Variants in FBN3 observed in about 807,000 individuals in gnomAD.
FBN3 encodes the protein fibrillin 3.
FBN3 carries 234 observed loss-of-function variants against 330.1 expected under a neutral mutation model. The ratio of observed to expected loss-of-function variants is 0.71; its 90% confidence interval spans 0.64 to 0.79. The LOEUF (loss-of-function observed/expected upper bound fraction) is 0.79, where lower values mean the gene tolerates loss of function less well. FBN3 is among the 30% of genes least tolerant of loss of function. The probability of loss-of-function intolerance (pLI) is 0.00; values close to 1 mark genes in which losing one functional copy is unlikely to be tolerated. For synonymous variants in FBN3, 1,458 were observed against 1,517.3 expected, an observed-to-expected ratio of 0.96 and a Z score of 0.91; for missense variants, 3,606 against 3,886.9, an observed-to-expected ratio of 0.93 and a Z score of 1.92.
intron 57 of FBN3, among the ~76,000 whole-genome samples, chr19:8,082,139 T>C (rs75688628): frequency 1.2e-4 from 14 of 120,256 alleles, no homozygotes; most frequent in Admixed American, 9.6e-4. Context: ...TTTTTCTTTT[T>C]TTCTTTTTTT....
rs2082709625 is a variant in FBN3, at chr19:8,116,594, G to A, written c.3712+80C>T. On this transcript the variant is annotated intron_variant, in intron 29 of 63. Transcript: ENST00000600128. ...GGCCTGGCATTTTTCATGCCTATGT[G>A]CCACCTTGTGGAAGACCTGGTGTGT... 25 of 1,465,118 alleles carry A rather than the reference G, an allele frequency of 1.7e-5. No individual in the cohort carries two copies. The South Asian group carries it at 2.0e-4, about 11-fold the overall frequency. 90.8% of individuals were successfully genotyped at this position (1,465,118 alleles called of 1,614,324 possible). A position where few individuals can be genotyped will look rare whatever the true frequency, so the allele number is the denominator to read the frequency against.
At chr19:8,088,472 G>A (rs1308172670) in intron 51 of FBN3, among the ~76,000 whole-genome samples, 1 of 152,050 alleles carries the variant, frequency 6.6e-6, no homozygotes, top group Non-Finnish European at 1.5e-5. Flanking sequence ...TGAAACTGAG[G>A]CAGGAGGGTC....
intron 26 of FBN3, 48 bp from the exon 27 acceptor site, chr19:8,117,637 CTG>C: frequency 1.3e-6 from 2 of 1,491,452 alleles, no homozygotes; most frequent in Non-Finnish European, 1.8e-6. Context: ...CATCTGCCGT[CTG>C]TGTGACCATG....
chr19:8,087,024 C>T, intron 54 of FBN3, 53 bp downstream of exon 54: 1 of 1,578,386 alleles, frequency 6.3e-7, no homozygotes, highest in South Asian at 1.1e-5. Context: ...TTGCTTTGAC[C>T]TCTCCCTTCC....
In FBN3 at chr19:8,101,281, C is replaced by T. The variant is rs79565210; in HGVS notation, c.5090-309G>A. On this transcript the variant is annotated intron_variant, in intron 40 of 63. Transcript: ENST00000600128. ...CTGGGATTACAGGCGTGAGCCACGA[C>T]GTCTGGTTTTTAAAGCCACCTAGTT... 3.4e-3 allele frequency among the ~76,000 whole-genome samples: 525 copies of T among 152,224 alleles called. 4 individuals are homozygous for T. The highest frequency in any genetic ancestry group is 0.012 in the African/African-American group (510 of 41,530).
rs185142949 is a variant in FBN3, at chr19:8,134,285, C to T, written c.1592-1179G>A. 1.4e-3 allele frequency among the ~76,000 whole-genome samples: 207 copies of T among 151,636 alleles called. 1 individual carries two copies. The highest frequency in any genetic ancestry group is 4.7e-3 in the African/African-American group (194 of 41,376). ...AAATAAATAAATGCATGAAATGCCA[C>T]CACAAAAATATGCACATGAGCATTC... On this transcript the variant is annotated intron_variant, in intron 13 of 63. Coordinates refer to ENST00000600128, the MANE Select transcript of FBN3 (RefSeq NM_032447.5).
chr19:8,122,909 C>T (rs756357684), intron 24 of FBN3, among the ~76,000 whole-genome samples: 10 of 146,234 alleles, frequency 6.8e-5, no homozygotes, highest in Non-Finnish European at 1.2e-4. Context: ...GTGATCCGCC[C>T]GCCTCAGCCT....
At position 8,147,366 on chromosome 19, in the gene FBN3, C is replaced by T. The variant is rs2145076815; in HGVS notation, c.115G>A (p.Ala39Thr). The change falls in exon 2 of 64, where the codon GCT becomes ACT. Residue 39 changes from alanine to threonine, a missense_variant. Physicochemically the swap from Ala to Thr is moderately conservative, Grantham distance 58. Transcript: ENST00000600128. ...CTCCGCACACGTCCAGGACCTGCAGCCTCCAAGGCCCCGTCCCAGCGGCCT... is the reference window on the plus strand; with the variant it reads ...CTCCGCACACGTCCAGGACCTGCAGTCTCCAAGGCCCCGTCCCAGCGGCCT... ...GQGRWDGALE[A>T]AGPGRVRRRG... 6.2e-7 allele frequency: 1 copy of T among 1,601,704 alleles called. No homozygotes were observed. Among genetic ancestry groups the T allele is most frequent in the Non-Finnish European group, 8.5e-7 (1 of 1,176,000 alleles).
chr19:8,082,325 TTC>T (rs1371189225), intron 57 of FBN3, among the ~76,000 whole-genome samples: 1 of 149,938 alleles, frequency 6.7e-6, no homozygotes, highest in Non-Finnish European at 1.5e-5. Flanking sequence ...CTTTCTTTCT[TTC>T]TGTTTCTTTC....
chr19:8,070,280 T>C (rs1412047825), intron 63 of FBN3, among the ~76,000 whole-genome samples: 2 of 152,290 alleles, frequency 1.3e-5, no homozygotes, highest in African/African-American at 4.8e-5. Flanking sequence ...ATAGCACTTA[T>C]CATGTATCAT....
intron 55 of FBN3, 142 bp from the exon 56 acceptor site, chr19:8,085,711 T>G (rs562524489): frequency 2.7e-4 from 166 of 615,308 alleles, no homozygotes; most frequent in Non-Finnish European, 4.3e-4. Flanking sequence ...ACAGGACAGA[T>G]GGCCCTAGTG....
rs1418420855 is a variant in FBN3 at position 8,131,491 on chromosome 19, G to T, written c.1990+63C>A. ...TGGCAGCCATGACCCCCCACCAGAA[G>T]CGAGAACCGATGGAGGCATTCAGAC... On this transcript the variant is annotated intron_variant, in intron 15 of 63. Transcript: ENST00000600128. The surrounding 1 kb of genome is among the most constrained non-coding windows in gnomAD (Gnocchi z 4.5). 6 of 1,548,894 alleles carry T rather than the reference G, an allele frequency of 3.9e-6. No individual in the cohort carries two copies. Among genetic ancestry groups the T allele is most frequent in the Non-Finnish European group, 5.3e-6 (6 of 1,141,934 alleles).
chr19:8,126,448 G>A lies in FBN3; in HGVS notation c.2554+20C>T, dbSNP rs773271074. On this transcript the variant is annotated intron_variant, in intron 20 of 63. Coordinates refer to ENST00000600128, the MANE Select transcript of FBN3 (RefSeq NM_032447.5). ...GGGCTTTTCCCATGGGTGCCTGGGAGGCCTCAAGGAGGATACTACCGATCT... is the reference window on the plus strand; with the variant it reads ...GGGCTTTTCCCATGGGTGCCTGGGAAGCCTCAAGGAGGATACTACCGATCT... 8.1e-6 allele frequency: 13 copies of A among 1,606,748 alleles called. No homozygotes were observed. Among genetic ancestry groups the A allele is most frequent in the South Asian group, 5.5e-5 (5 of 90,266 alleles).
intron 22 of FBN3, 100 bp downstream of exon 22, chr19:8,125,790 CAA>C (rs368396188): frequency 0.052 from 54,438 of 1,054,386 alleles, no homozygotes; most frequent in South Asian, 0.097. Flanking sequence ...GACTCCATCT[CAA>C]AAAAAAAAAA....
At position 8,129,316 on chromosome 19, in the gene FBN3, G is replaced by A. The variant is rs767813983; in HGVS notation, c.2094C>T (p.Cys698=). 35 of 1,614,024 alleles carry A rather than the reference G, an allele frequency of 2.2e-5. No individual in the cohort carries two copies. The highest frequency in any genetic ancestry group is 1.0e-4 in the Admixed American group (6 of 60,002). Residue 698 remains cysteine, a synonymous_variant, in exon 17 of 64, where the codon TGC becomes TGT. Transcript: ENST00000600128. The surrounding 1 kb of genome is among the most constrained non-coding windows in gnomAD (Gnocchi z 4.5). The part of the protein sequence containing the change: ...LDPEVCANGV[C]ENLRGSYRCV... ...AGCGGTAGCTGCCCCGAAGGTTCTC[G>A]CACACGCCATTGGCACAAACCTCAG...
At chr19:8,101,032 A>C (rs2082316994) in intron 40 of FBN3, 60 bp from the exon 41 acceptor site, 14 of 1,405,752 alleles carry the variant, frequency 1.0e-5, no homozygotes, top group Admixed American at 1.9e-5. Context: ...GCCCGCTCCC[A>C]ATCTGGAGGG....
At position 8,121,427 on chromosome 19, in the gene FBN3, C is replaced by T. The variant is rs1178788678; in HGVS notation, c.3083-41G>A. ...GCAGAGGCCGGAGGCGCCATGTGGG[C>T]CGCATCATGGGGCACGAGGCAGGGG... On this transcript the variant is annotated intron_variant, in intron 24 of 63. Transcript: ENST00000600128. The surrounding 1 kb of genome is among the most constrained non-coding windows in gnomAD (Gnocchi z 4.5). 1.3e-6 allele frequency: 2 copies of T among 1,543,800 alleles called. No individual in the cohort carries two copies. The highest frequency in any genetic ancestry group is 1.4e-5 in the African/African-American group (1 of 73,612).
chr19:8,089,486 T>TGCTCC, intron 51 of FBN3, 59 bp downstream of exon 51: 4 of 1,605,120 alleles, frequency 2.5e-6, no homozygotes, highest in Non-Finnish European at 3.4e-6. Context: ...TGCCCTGCTC[T>TGCTCC]GCTCCTTCCT....
At chr19:8,083,418 C>A (rs762254376) in intron 56 of FBN3, 46 bp from the exon 57 acceptor site, 2 of 1,607,704 alleles carry the variant, frequency 1.2e-6, no homozygotes, top group South Asian at 1.1e-5. Context: ...CTGCTTCGCG[C>A]CTCCACCGAG....
Sources: gnomAD v4.1 joint callset for allele counts (sites outside exome capture counted in the v4.1 genomes callset) on GRCh38, gnomAD v4.1.1 for gene constraint, Gnocchi (gnomAD v3.1) non-coding constraint, MANE v1.5 for transcripts, NCBI Gene and HGNC (gene_info 2026-07-23, HGNC 2026-07-21) for gene names.